LRAT: variants seen among roughly 807,000 people sequenced by gnomAD.
LRAT encodes lecithin retinol acyltransferase (phosphatidylcholine--retinol O-acyltransferase).
A neutral mutation model predicts 14.2 loss-of-function variants in LRAT; 11 were observed. That is an observed-to-expected ratio of 0.78 (90% confidence interval 0.49 to 1.29). LRAT has a LOEUF of 1.29. LRAT is among the 50% of genes most tolerant of loss of function. LRAT has a pLI of 0.00. For synonymous variants in LRAT, 144 were observed against 124.8 expected (o/e 1.15, Z -1.03); for missense variants, 274 against 292.4 (o/e 0.94, Z 0.46).
intron 2 of LRAT, 98 bp from the exon 3 acceptor site, chr4:154,748,886 G>A (rs1732932106): frequency 8.5e-7 from 1 of 1,172,798 alleles, no homozygotes; most frequent in African/African-American, 1.5e-5. Context: ...TCTTCTGGTA[G>A]ACAGAAAATA....
At position 154,744,111 on chromosome 4, in the gene LRAT, T is replaced by C; in HGVS notation, c.-113T>C. The C allele has an allele frequency of 3.4e-6, 2 of 596,984 alleles. No homozygotes were observed. The highest frequency in any genetic ancestry group is 6.0e-6 in the Non-Finnish European group (2 of 333,840). The allele number at this position is 596,984 out of a possible 1,614,324, so 37.0% of individuals were successfully genotyped here. A position where few individuals can be genotyped will look rare whatever the true frequency, so the allele number is the denominator to read the frequency against. On this transcript the variant is annotated 5_prime_UTR_variant, in exon 1 of 3. Transcript: ENST00000336356. ...CCGTCAGCCACCGGTTCCTTATCCG[T>C]CTCATTCCCCATTGTGGCTTGGCTG...
rs117851476 is a variant in LRAT, at chr4:154,744,314, T to C, written c.-1-12T>C. 5.2e-4 allele frequency: 844 copies of C among 1,613,882 alleles called. 10 individuals are homozygous for C. The East Asian group carries it at 0.017, about 33-fold the overall frequency. ...GCACCGGCACCTCTCCAAGACGCCC[T>C]CTTCCCTGCAGGATGAAGAACCCCA... On this transcript the variant is annotated splice_polypyrimidine_tract_variant and intron_variant, in intron 1 of 2. Transcript: ENST00000336356.
In LRAT at chr4:154,744,507, T is replaced by A. The variant is rs775049675; in HGVS notation, c.181T>A (p.Tyr61Asn). The change falls in exon 2 of 3, where the codon TAT becomes AAT. Residue 61 changes from tyrosine (Y) to asparagine (N), a missense_variant. Transcript: ENST00000336356. Reference sequence around the variant, plus strand: ...GGTGCCCCGGACCCACCTGACCCACTATGGCATCTACCTAGGAGACAACCG... The same window carrying A: ...GGTGCCCCGGACCCACCTGACCCACAATGGCATCTACCTAGGAGACAACCG... ...LEVPRTHLTH[Y>N]GIYLGDNRVA... 26 of 1,613,900 alleles carry A rather than the reference T, an allele frequency of 1.6e-5. No individual in the cohort carries two copies. Among genetic ancestry groups the A allele is most frequent in the Non-Finnish European group, 2.1e-5 (25 of 1,179,984 alleles).
chr4:154,741,885 AG>A (rs1732774198), upstream of LRAT, among the ~76,000 whole-genome samples: 1 of 152,216 alleles, frequency 6.6e-6, no homozygotes, highest in Non-Finnish European at 1.5e-5. Flanking sequence ...CAAGTTCCCC[AG>A]GTGGAGGCAG....
upstream of LRAT, among the ~76,000 whole-genome samples, chr4:154,742,204 T>TTGGG (rs1578858216): frequency 6.6e-6 from 1 of 152,198 alleles, no homozygotes; most frequent in East Asian, 1.9e-4. Context: ...CGCTTTTCTT[T>TTGGG]AAATTTTGGG....
intron 2 of LRAT, 51 bp from the exon 3 acceptor site, chr4:154,748,933 T>C: frequency 6.4e-7 from 1 of 1,551,374 alleles, no homozygotes; most frequent in East Asian, 2.2e-5. Context: ...TATATGTGAT[T>C]CTTCTTGGGT....
chr4:154,744,972 C>A, intron 2 of LRAT, 106 bp downstream of exon 2: 1 of 1,007,566 alleles, frequency 9.9e-7, no homozygotes. Flanking sequence ...TGGACACCTC[C>A]CCTACCACTT....
Position 154,744,640 on chromosome 4 carries a change from T to G in LRAT, c.314T>G (p.Val105Gly), listed in dbSNP as rs774998317. 6.2e-7 allele frequency: 1 copy of G among 1,614,146 alleles called. No individual in the cohort carries two copies. Among genetic ancestry groups the G allele is most frequent in the Non-Finnish European group, 8.5e-7 (1 of 1,180,016 alleles). The part of the protein sequence containing the change: ...KRLILGVIVK[V>G]ASIRVDTVED... Reference sequence around the variant, plus strand: ...CTCATCCTGGGCGTTATTGTCAAAGTGGCCAGCATCCGCGTGGACACAGTG... The same window carrying G: ...CTCATCCTGGGCGTTATTGTCAAAGGGGCCAGCATCCGCGTGGACACAGTG... The change falls in exon 2 of 3, where the codon GTG becomes GGG. Residue 105 changes from valine to glycine, a missense_variant. Val to Gly is a moderately radical substitution (Grantham distance 109). Coordinates refer to ENST00000336356, the MANE Select transcript of LRAT (RefSeq NM_004744.5).
At position 154,749,394 on chromosome 4, in the gene LRAT, A is replaced by G. The variant is rs1405674970; in HGVS notation, c.*258A>G. On this transcript the variant is annotated 3_prime_UTR_variant, in exon 3 of 3. Transcript: ENST00000336356. ...ACAGGGTGTGGTAGAATTCAGCAAT[A>G]TGAGAAAACCAGCCCCTAAAATGAT... is the stretch of plus-strand genomic sequence containing the variant. 3 of 462,554 alleles carry G rather than the reference A, an allele frequency of 6.5e-6. No homozygotes were observed. The highest frequency in any genetic ancestry group is 1.2e-5 in the Non-Finnish European group (3 of 253,654). 28.7% of individuals were successfully genotyped at this position (462,554 alleles called of 1,614,324 possible).
At position 154,744,037 on chromosome 4, in the gene LRAT, A is replaced by G. The variant is rs1436154389; in HGVS notation, c.-187A>G. 4 of 468,614 alleles carry G rather than the reference A, an allele frequency of 8.5e-6. No homozygotes were observed. The highest frequency in any genetic ancestry group is 3.9e-5 in the African/African-American group (2 of 50,784). The allele number at this position is 468,614 out of a possible 1,614,324, so 29.0% of individuals were successfully genotyped here. A position where few individuals can be genotyped will look rare whatever the true frequency, so the allele number is the denominator to read the frequency against. On this transcript the variant is annotated 5_prime_UTR_variant, in exon 1 of 3. Transcript: ENST00000336356. ...CGGCCCTGCCCCCGGCACGGCCCCC[A>G]GGTGCGCTCCTTCTCCGGCTGCTTG...
In LRAT at chr4:154,751,118, A is replaced by G. The variant is rs1732981403; in HGVS notation, c.*1982A>G. 6.6e-6 allele frequency: 1 copy of G among 152,212 alleles called. No individual in the cohort carries two copies. The highest frequency in any genetic ancestry group is 1.5e-5 in the Non-Finnish European group (1 of 68,038). 9.4% of individuals were successfully genotyped at this position (152,212 alleles called of 1,614,324 possible). A position where few individuals can be genotyped will look rare whatever the true frequency, so the allele number is the denominator to read the frequency against. On this transcript the variant is annotated 3_prime_UTR_variant, in exon 3 of 3. Transcript: ENST00000336356. ...CCAGAATTAATATTATTATTCGTAA[A>G]CTAGCTATAATAGAGTATATACAGT...
chr4:154,741,529 C>T (rs1732768433), upstream of LRAT, among the ~76,000 whole-genome samples: 1 of 152,118 alleles, frequency 6.6e-6, no homozygotes, highest in South Asian at 2.1e-4. Flanking sequence ...CACTCCGCGC[C>T]CTATTCATTT....
Position 154,744,033 on chromosome 4 carries a change from C to T in LRAT, c.-191C>T, listed in dbSNP as rs1732821383. On this transcript the variant is annotated 5_prime_UTR_variant, in exon 1 of 3. Transcript: ENST00000336356. Reference sequence around the variant, plus strand: ...CGCGCGGCCCTGCCCCCGGCACGGCCCCCAGGTGCGCTCCTTCTCCGGCTG... The same window carrying T: ...CGCGCGGCCCTGCCCCCGGCACGGCTCCCAGGTGCGCTCCTTCTCCGGCTG... 8.5e-6 allele frequency: 4 copies of T among 470,854 alleles called. No homozygotes were observed. The highest frequency in any genetic ancestry group is 1.6e-5 in the Non-Finnish European group (4 of 256,220). 29.2% of individuals were successfully genotyped at this position (470,854 alleles called of 1,614,324 possible). A position where few individuals can be genotyped will look rare whatever the true frequency, so the allele number is the denominator to read the frequency against.
In LRAT at chr4:154,751,278, T is replaced by C. The variant is rs1732984028; in HGVS notation, c.*2142T>C. 6.6e-6 allele frequency: 1 copy of C among 152,182 alleles called. No individual in the cohort carries two copies. Among genetic ancestry groups the C allele is most frequent in the African/African-American group, 2.4e-5 (1 of 41,448 alleles). The allele number at this position is 152,182 out of a possible 1,614,324, so 9.4% of individuals were successfully genotyped here. Reference sequence around the variant, plus strand: ...TATCACACTGATGTGTTCAACTGTTTATGGGAAAAGGAAACTAGGATGGTT... The same window carrying C: ...TATCACACTGATGTGTTCAACTGTTCATGGGAAAAGGAAACTAGGATGGTT... On this transcript the variant is annotated 3_prime_UTR_variant, in exon 3 of 3. Transcript: ENST00000336356.
In LRAT at chr4:154,753,019, T is replaced by C. The variant is rs1438756992; in HGVS notation, c.*3883T>C. 6.6e-6 allele frequency: 1 copy of C among 152,226 alleles called. No homozygotes were observed. Among genetic ancestry groups the C allele is most frequent in the Non-Finnish European group, 1.5e-5 (1 of 68,028 alleles). The allele number at this position is 152,226 out of a possible 1,614,324, so 9.4% of individuals were successfully genotyped here. The stretch of plus-strand genomic sequence containing the variant: ...TAAGAAATGGTTGCCAATCTTTGTT[T>C]TGTATGATCTATTTAGAGTTTTAAC... On this transcript the variant is annotated 3_prime_UTR_variant, in exon 3 of 3. Transcript: ENST00000336356.
chr4:154,748,607 T>G (rs1050841434), intron 2 of LRAT, among the ~76,000 whole-genome samples: 1 of 152,148 alleles, frequency 6.6e-6, no homozygotes, highest in Non-Finnish European at 1.5e-5. Context: ...CCAAATTCTA[T>G]TATTTTTACT....
intron 2 of LRAT, 36 bp downstream of exon 2, chr4:154,744,902 C>T: frequency 1.3e-6 from 2 of 1,599,694 alleles, no homozygotes; most frequent in Non-Finnish European, 1.7e-6. Context: ...GTGGGCTCCG[C>T]GGAGATGCCC....
intron 1 of LRAT, 31 bp from the exon 2 acceptor site, chr4:154,744,295 G>C (rs1211493463): frequency 1.2e-6 from 2 of 1,611,742 alleles, no homozygotes; most frequent in African/African-American, 2.7e-5. Flanking sequence ...AGTGGCACCG[G>C]CACCTCTCCA....
chr4:154,741,085 C>T (rs1732761658), upstream of LRAT, among the ~76,000 whole-genome samples: 1 of 151,682 alleles, frequency 6.6e-6, no homozygotes, highest in South Asian at 2.1e-4. Context: ...TGAAGTGTGC[C>T]TCCAGGGAGC....
Sources: allele counts gnomAD v4.1 joint callset (sites outside exome capture counted in the v4.1 genomes callset), GRCh38; gene constraint gnomAD v4.1.1; transcripts MANE v1.5; gene names NCBI Gene and HGNC (gene_info 2026-07-23, HGNC 2026-07-21).